Variants in PIK3CA observed in about 807,000 individuals in gnomAD.
PIK3CA encodes phosphatidylinositol-4,5-bisphosphate 3-kinase catalytic subunit alpha, also known as phosphatidylinositol 4,5-bisphosphate 3-kinase catalytic subunit alpha isoform.
Under a neutral mutation model 138.2 loss-of-function variants are expected in PIK3CA, and 27 were observed. That is an observed-to-expected ratio of 0.20 (90% CI 0.14 to 0.27). PIK3CA has a LOEUF of 0.27. Among genes scored for constraint, PIK3CA ranks in the 10% least tolerant of loss-of-function variants. PIK3CA has a pLI of 1.00. For missense variants in PIK3CA, 544 were observed against 1,277.4 expected, an observed-to-expected ratio of 0.43 and a Z score of 8.75; for synonymous variants, 358 against 413.2, an observed-to-expected ratio of 0.87 and a Z score of 1.62.
chr3:179,160,057 G>A (rs527589891), intron 1 of PIK3CA, among the ~76,000 whole-genome samples: 1 of 152,284 alleles, frequency 6.6e-6, no homozygotes, highest in Admixed American at 6.5e-5. Context: ...GTGAGTGAAT[G>A]TGAAGGCCCA....
chr3:179,214,534 G>A (rs913625231), intron 9 of PIK3CA, among the ~76,000 whole-genome samples: 1 of 152,016 alleles, frequency 6.6e-6, no homozygotes, highest in Admixed American at 6.6e-5. Context: ...AAAGATCACT[G>A]ATCTTTGATC....
chr3:179,159,564 C>G (rs1723224763), intron 1 of PIK3CA, among the ~76,000 whole-genome samples: 1 of 152,250 alleles, frequency 6.6e-6, no homozygotes, highest in East Asian at 1.9e-4. Context: ...CACTTCATTT[C>G]CATGATTAGG....
rs1039976584 is a variant in PIK3CA at position 179,201,414 on chromosome 3, T to A, written c.687T>A (p.Thr229=). 2.5e-6 allele frequency: 4 copies of A among 1,613,708 alleles called. No individual in the cohort carries two copies. Among genetic ancestry groups the A allele is most frequent in the Admixed American group, 1.7e-5 (1 of 59,984 alleles). ...TTGCTGAAGCAATCAGGAAAAAAAC[T>A]CGAAGTATGTTGCTATCCTCTGAAC... ...QVIAEAIRKK[T]RSMLLSSEQL... is the part of the protein sequence containing the mutation. Residue 229 remains threonine, a synonymous_variant, in exon 4 of 21, where the codon ACT becomes ACA. Coordinates refer to ENST00000263967, the MANE Select transcript of PIK3CA (RefSeq NM_006218.4).
chr3:179,226,011 T>C lies in PIK3CA; in HGVS notation c.2466T>C (p.Asn822=), dbSNP rs896050447. The C allele has an allele frequency of 6.3e-7, 1 of 1,599,712 alleles. No homozygotes were observed. The highest frequency in any genetic ancestry group is 1.3e-5 in the African/African-American group (1 of 74,546). Residue 822 remains asparagine (N), a synonymous_variant, in exon 17 of 21, where the codon AAT becomes AAC. Transcript: ENST00000263967. ...LTLQIIRIME[N]IWQNQGLDLR... ...TTCAAATTATTCGTATTATGGAAAA[T>C]ATCTGGCAAAATCAAGGTCTTGATC... is the stretch of plus-strand genomic sequence containing the variant.
chr3:179,173,030 A>G (rs1315645788), intron 1 of PIK3CA, among the ~76,000 whole-genome samples: 1 of 152,132 alleles, frequency 6.6e-6, no homozygotes, highest in Non-Finnish European at 1.5e-5. Context: ...ATATTTTTCA[A>G]TTAATTTCTT....
At chr3:179,161,136 G>C (rs910226273) in intron 1 of PIK3CA, among the ~76,000 whole-genome samples, 5 of 152,108 alleles carry the variant, frequency 3.3e-5, no homozygotes, top group African/African-American at 4.8e-5. Flanking sequence ...CTCATTACAA[G>C]GCCTTAAGGG....
rs1056536152 is a variant in PIK3CA at position 179,204,960 on chromosome 3, G to T, written c.1145+372G>T. Among the ~76,000 whole-genome samples, 3 of 141,212 alleles carry T rather than the reference G, an allele frequency of 2.1e-5. No individual in the cohort carries two copies. In the South Asian group the frequency reaches 7.0e-4, roughly 33 times the overall value. The allele number at this position is 141,212 out of a possible 152,430, so 92.6% of individuals were successfully genotyped here. A position where few individuals can be genotyped will look rare whatever the true frequency, so the allele number is the denominator to read the frequency against. On this transcript the variant is annotated intron_variant, in intron 6 of 20. Transcript: ENST00000263967. ...CGCTTGAACCTGGAAGGCTGAGGTTGCAGTGAGCTGAGATTGTGCCATTGC... is the reference window on the plus strand; with the variant it reads ...CGCTTGAACCTGGAAGGCTGAGGTTTCAGTGAGCTGAGATTGTGCCATTGC...
Position 179,224,074 on chromosome 3 carries a change from T to A in PIK3CA, c.2188-7T>A, listed in dbSNP as rs765727782. On this transcript the variant is annotated splice_region_variant and splice_polypyrimidine_tract_variant and intron_variant, in intron 14 of 20. Transcript: ENST00000263967. Reference sequence around the variant, plus strand: ...TCTTACTGTGACTATCCTTTTTTTTTAATCAGGTACAGATGAAGTTTTTAG... The same window carrying A: ...TCTTACTGTGACTATCCTTTTTTTTAAATCAGGTACAGATGAAGTTTTTAG... 27 of 1,494,912 alleles carry A rather than the reference T, an allele frequency of 1.8e-5. No homozygotes were observed. Among genetic ancestry groups the A allele is most frequent in the Non-Finnish European group, 2.0e-5 (22 of 1,076,394 alleles). 92.6% of individuals were successfully genotyped at this position (1,494,912 alleles called of 1,614,324 possible).
At chr3:179,170,409 G>A (rs572913530) in intron 1 of PIK3CA, among the ~76,000 whole-genome samples, 6 of 152,174 alleles carry the variant, frequency 3.9e-5, no homozygotes, top group Admixed American at 3.3e-4. Context: ...ACATTGGAGG[G>A]GATATAGAAA....
chr3:179,183,145 G>A (rs1723890462), intron 1 of PIK3CA, among the ~76,000 whole-genome samples: 1 of 152,098 alleles, frequency 6.6e-6, no homozygotes, highest in South Asian at 2.1e-4. Flanking sequence ...AATACTGAAG[G>A]ATGATAAATC....
At chr3:179,175,516 CG>C (rs1364515128) in intron 1 of PIK3CA, among the ~76,000 whole-genome samples, 1 of 152,108 alleles carries the variant, frequency 6.6e-6, no homozygotes, top group Non-Finnish European at 1.5e-5. Context: ...ACATTCTTCT[CG>C]GAAGTATCCT....
In PIK3CA at chr3:179,171,910, G is replaced by A. The variant is rs190540020; in HGVS notation, c.-77+23307G>A. On this transcript the variant is annotated intron_variant, in intron 1 of 20. Transcript: ENST00000263967. Reference sequence around the variant, plus strand: ...GAGGACAGTATTACTAGATACCAAAGCCAACACAAAGGCATCCCAAGAAAA... The same window carrying A: ...GAGGACAGTATTACTAGATACCAAAACCAACACAAAGGCATCCCAAGAAAA... 2.9e-3 allele frequency among the ~76,000 whole-genome samples: 439 copies of A among 151,996 alleles called. 1 individual carries two copies. Among genetic ancestry groups the A allele is most frequent in the African/African-American group, 9.6e-3 (397 of 41,480 alleles).
rs199988513 is a variant in PIK3CA at position 179,234,154 on chromosome 3, A to C, written c.2997A>C (p.Ile999=). 8.7e-6 allele frequency: 14 copies of C among 1,613,172 alleles called. No individual in the cohort carries two copies. Among genetic ancestry groups the C allele is most frequent in the African/African-American group, 2.7e-5 (2 of 74,884 alleles). The change falls in exon 21 of 21, where the codon ATA becomes ATC. Residue 999 remains isoleucine, a synonymous_variant. Transcript: ENST00000263967. The surrounding 1 kb of genome is among the most constrained non-coding windows in gnomAD (Gnocchi z 5.1). ...LAIRQHANLF[I]NLFSMMLGSG... The stretch of plus-strand genomic sequence containing the variant: ...TTCGACAGCATGCCAATCTCTTCAT[A>C]AATCTTTTCTCAATGATGCTTGGCT...
chr3:179,222,853 C>A (rs889849998), intron 14 of PIK3CA, among the ~76,000 whole-genome samples: 1 of 152,162 alleles, frequency 6.6e-6, no homozygotes, highest in African/African-American at 2.4e-5. Flanking sequence ...TGCTTTCACA[C>A]CATCACAAAG....
intron 1 of PIK3CA, chr3:179,149,394 G>A (rs1423161361): frequency 6.6e-6 from 1 of 152,098 alleles, no homozygotes. Context: ...ACCTCGGCTC[G>A]AGGGGTTTAT....
intron 1 of PIK3CA, among the ~76,000 whole-genome samples, chr3:179,149,938 C>CA (rs1364806663): frequency 2.6e-5 from 4 of 151,820 alleles, no homozygotes; most frequent in Non-Finnish European, 1.5e-5. Context: ...TTGGATAAAT[C>CA]AAAACACTTT....
intron 1 of PIK3CA, among the ~76,000 whole-genome samples, chr3:179,176,668 T>G (rs1379190591): frequency 6.6e-6 from 1 of 152,196 alleles, no homozygotes; most frequent in African/African-American, 2.4e-5. Context: ...TATTATCAGC[T>G]ATATAGTACT....
chr3:179,231,735 G>T (rs1444315171), intron 20 of PIK3CA, among the ~76,000 whole-genome samples: 1 of 134,104 alleles, frequency 7.5e-6, no homozygotes, highest in Non-Finnish European at 1.5e-5. Flanking sequence ...TCCACCTCCT[G>T]GGTTCAAAGC....
In PIK3CA at chr3:179,235,616, A is replaced by G. The variant is rs1487642480; in HGVS notation, c.*1252A>G. On this transcript the variant is annotated 3_prime_UTR_variant, in exon 21 of 21. Coordinates refer to ENST00000263967, the MANE Select transcript of PIK3CA (RefSeq NM_006218.4). ...GAAATTAGTTACCAGAATTAACACA[A>G]TTTAGACTATCTTCCTGATTCCTTA... The G allele has an allele frequency of 9.7e-6, 2 of 206,238 alleles. No homozygotes were observed. The highest frequency in any genetic ancestry group is 2.3e-5 in the African/African-American group (1 of 43,870). 12.8% of individuals were successfully genotyped at this position (206,238 alleles called of 1,614,324 possible). A position where few individuals can be genotyped will look rare whatever the true frequency, so the allele number is the denominator to read the frequency against.
Sources: allele counts gnomAD v4.1 joint callset (sites outside exome capture counted in the v4.1 genomes callset), GRCh38; gene constraint gnomAD v4.1.1; non-coding constraint Gnocchi (gnomAD v3.1); transcripts MANE v1.5; gene names NCBI Gene and HGNC (gene_info 2026-07-23, HGNC 2026-07-21).